ZMAT3: variants seen among roughly 807,000 people sequenced by gnomAD.
The protein encoded by ZMAT3 is zinc finger matrin-type 3, also known as zinc finger matrin-type protein 3.
In ZMAT3, 17 loss-of-function variants were observed where a neutral mutation model predicts 32.3. The ratio of observed to expected loss-of-function variants is 0.53; its 90% CI spans 0.36 to 0.79. The LOEUF (loss-of-function observed/expected upper bound fraction) is 0.79, where lower values mean the gene tolerates loss of function less well. Ranked by LOEUF, ZMAT3 falls within the 30% of genes least tolerant of loss-of-function variation. The pLI, the probability that ZMAT3 is intolerant of heterozygous loss-of-function variation, is 0.00. For synonymous variants in ZMAT3, 120 were observed against 133.1 expected (o/e 0.90, Z 0.68); for missense variants, 329 against 359.7 (o/e 0.91, Z 0.69).
In ZMAT3 at chr3:179,021,730, C is replaced by T. The variant is rs1437265088; in HGVS notation, c.*3287G>A. 6.6e-6 allele frequency: 1 copy of T among 152,138 alleles called. No individual in the cohort carries two copies. The highest frequency in any genetic ancestry group is 1.5e-5 in the Non-Finnish European group (1 of 68,020). The allele number at this position is 152,138 out of a possible 1,614,324, so 9.4% of individuals were successfully genotyped here. A position where few individuals can be genotyped will look rare whatever the true frequency, so the allele number is the denominator to read the frequency against. On this transcript the variant is annotated 3_prime_UTR_variant, in exon 6 of 6. Coordinates refer to ENST00000311417, the MANE Select transcript of ZMAT3 (RefSeq NM_022470.4). Reference sequence around the variant, plus strand: ...CATATCACTGACTCAGAAGAAACAACAGTCTGCTTAAACAGAGAAAAAACA... The same window carrying T: ...CATATCACTGACTCAGAAGAAACAATAGTCTGCTTAAACAGAGAAAAAACA...
rs1721504096 is a variant in ZMAT3 at position 179,067,872 on chromosome 3, A to T, written c.-57-63T>A. On this transcript the variant is annotated intron_variant, in intron 1 of 5. Transcript: ENST00000311417. ...TTGAAAATCAGACTTCAGCAAGATA[A>T]CATGTAAATGACAACATAATCTGAC... 17 of 1,414,420 alleles carry T rather than the reference A, an allele frequency of 1.2e-5. No individual in the cohort carries two copies. In the South Asian group the frequency reaches 1.9e-4, roughly 16 times the overall value. The allele number at this position is 1,414,420 out of a possible 1,614,324, so 87.6% of individuals were successfully genotyped here.
chr3:179,067,441 T>C, intron 2 of ZMAT3, 42 bp downstream of exon 2: 1 of 1,601,160 alleles, frequency 6.2e-7, no homozygotes, highest in South Asian at 1.1e-5. Context: ...AGCCCTGAAA[T>C]GTTCACCCTA....
rs537521141 is a variant in ZMAT3 at position 179,018,202 on chromosome 3, T to A, written c.*6815A>T. The A allele has an allele frequency of 1.3e-5, 2 of 152,106 alleles. No individual in the cohort carries two copies. The highest frequency in any genetic ancestry group is 2.9e-5 in the Non-Finnish European group (2 of 68,004). 9.4% of individuals were successfully genotyped at this position (152,106 alleles called of 1,614,324 possible). On this transcript the variant is annotated 3_prime_UTR_variant, in exon 6 of 6. Transcript: ENST00000311417. ...TACTCTTCCTTAAAAAAATATATCATGTAGAGAATACACAAATAATAATAA... is the reference window on the plus strand; with the variant it reads ...TACTCTTCCTTAAAAAAATATATCAAGTAGAGAATACACAAATAATAATAA...
intron 2 of ZMAT3, among the ~76,000 whole-genome samples, chr3:179,035,898 G>A (rs1320356170): frequency 1.3e-5 from 2 of 152,208 alleles, no homozygotes; most frequent in African/African-American, 2.4e-5. Flanking sequence ...TACAGGGGAG[G>A]TAAGCAATAC....
rs1718368819 is a variant in ZMAT3, at chr3:179,018,187, T to A, written c.*6830A>T. On this transcript the variant is annotated 3_prime_UTR_variant, in exon 6 of 6. Coordinates refer to ENST00000311417, the MANE Select transcript of ZMAT3 (RefSeq NM_022470.4). ...TCTGACATGTGGAGTTACTCTTCCTTAAAAAAATATATCATGTAGAGAATA... is the reference window on the plus strand; with the variant it reads ...TCTGACATGTGGAGTTACTCTTCCTAAAAAAAATATATCATGTAGAGAATA... 1 of 152,006 alleles carries A rather than the reference T, an allele frequency of 6.6e-6. No homozygotes were observed. 9.4% of individuals were successfully genotyped at this position (152,006 alleles called of 1,614,324 possible). A position where few individuals can be genotyped will look rare whatever the true frequency, so the allele number is the denominator to read the frequency against.
chr3:179,039,677 A>G (rs1367226610), intron 2 of ZMAT3, among the ~76,000 whole-genome samples: 1 of 152,212 alleles, frequency 6.6e-6, no homozygotes, highest in Non-Finnish European at 1.5e-5. Flanking sequence ...CTCCTCTCCA[A>G]AGGATCATAG....
chr3:179,032,934 C>T (rs1012957587), intron 2 of ZMAT3, among the ~76,000 whole-genome samples: 4 of 152,024 alleles, frequency 2.6e-5, no homozygotes, highest in Non-Finnish European at 1.5e-5. Flanking sequence ...CCGGCCGCCC[C>T]GTCTGGGAAT....
chr3:179,030,757 T>G, intron 3 of ZMAT3, 123 bp downstream of exon 3: 1 of 1,425,462 alleles, frequency 7.0e-7, no homozygotes, highest in Non-Finnish European at 9.3e-7. Flanking sequence ...AAGCAGCATC[T>G]TTCAGGATTA....
chr3:179,058,046 G>A lies in ZMAT3; in HGVS notation c.270+9437C>T, dbSNP rs139640131. ...GTCCTTACACAGGTCCGAGGGATGA[G>A]CTTGCAACCCGTGGTATACCTGAGT... is the stretch of plus-strand genomic sequence containing the variant. On this transcript the variant is annotated intron_variant, in intron 2 of 5. Transcript: ENST00000311417. 8.9e-4 allele frequency among the ~76,000 whole-genome samples: 136 copies of A among 152,336 alleles called. No individual in the cohort carries two copies. The East Asian group carries it at 0.019, about 21-fold the overall frequency.
At chr3:179,062,291 T>C (rs528433453) in intron 2 of ZMAT3, among the ~76,000 whole-genome samples, 7 of 152,134 alleles carry the variant, frequency 4.6e-5, no homozygotes, top group African/African-American at 1.7e-4. Flanking sequence ...CAATTCTACC[T>C]GCAGAATGCT....
chr3:179,057,407 T>C (rs1157714078), intron 2 of ZMAT3, among the ~76,000 whole-genome samples: 1 of 152,166 alleles, frequency 6.6e-6, no homozygotes, highest in East Asian at 1.9e-4. Flanking sequence ...TTGAAGATCC[T>C]TGGAACCCAG....
intron 5 of ZMAT3, among the ~76,000 whole-genome samples, chr3:179,026,372 A>T: frequency 1.4e-5 from 2 of 144,808 alleles, no homozygotes; most frequent in East Asian, 2.0e-4. Flanking sequence ...AATCATAATG[A>T]ATTGTGCTTT....
intron 2 of ZMAT3, among the ~76,000 whole-genome samples, chr3:179,057,097 G>A (rs552430999): frequency 1.6e-4 from 25 of 152,202 alleles, no homozygotes; most frequent in African/African-American, 5.1e-4. Flanking sequence ...CCTTAGACCC[G>A]AGGCCCAACA....
In ZMAT3 at chr3:179,033,027, C is replaced by T. The variant is rs962623245; in HGVS notation, c.271-2028G>A. ...TGAGAACGGGCCACGATGACGATGGCGGTTTTGTCGAATAGAAAAGGGGGA... is the reference window on the plus strand; with the variant it reads ...TGAGAACGGGCCACGATGACGATGGTGGTTTTGTCGAATAGAAAAGGGGGA... On this transcript the variant is annotated intron_variant, in intron 2 of 5. Transcript: ENST00000311417. Among the ~76,000 whole-genome samples, 6 of 152,162 alleles carry T rather than the reference C, an allele frequency of 3.9e-5. No individual in the cohort carries two copies. In the South Asian group the frequency reaches 8.3e-4, roughly 21 times the overall value.
upstream of ZMAT3, chr3:179,072,000 G>A (rs1007376097): frequency 6.6e-6 from 1 of 152,500 alleles, no homozygotes; most frequent in Non-Finnish European, 1.5e-5. Flanking sequence ...GGCCGGCGTG[G>A]GGAACAAAGG....
intron 2 of ZMAT3, among the ~76,000 whole-genome samples, chr3:179,032,966 C>T (rs1391615013): frequency 6.6e-6 from 1 of 152,188 alleles, no homozygotes; most frequent in Non-Finnish European, 1.5e-5. Context: ...TCTGCCCGGC[C>T]GCCACCCCAT....
intron 2 of ZMAT3, among the ~76,000 whole-genome samples, chr3:179,050,105 G>A (rs1358136576): frequency 1.3e-5 from 2 of 148,422 alleles, no homozygotes; most frequent in African/African-American, 5.0e-5. Context: ...AAACCCAGCA[G>A]AAGAAAAGAA....
intron 2 of ZMAT3, among the ~76,000 whole-genome samples, chr3:179,037,675 G>A (rs1197023072): frequency 6.6e-6 from 1 of 152,178 alleles, no homozygotes; most frequent in Non-Finnish European, 1.5e-5. Context: ...AAAAGCCAGT[G>A]TGCCATTTCC....
chr3:179,051,797 C>A (rs1720577079), intron 2 of ZMAT3, among the ~76,000 whole-genome samples: 1 of 152,148 alleles, frequency 6.6e-6, no homozygotes, highest in South Asian at 2.1e-4. Context: ...GCTACAGTCA[C>A]CAAAACAGCA....
Sources: gnomAD v4.1 joint callset for allele counts (sites outside exome capture counted in the v4.1 genomes callset) on GRCh38, gnomAD v4.1.1 for gene constraint, MANE v1.5 for transcripts, NCBI Gene and HGNC (gene_info 2026-07-23, HGNC 2026-07-21) for gene names.